The following RPS6KC1 variants were observed in gnomAD, a reference collection of about 807,000 sequenced individuals.
The protein encoded by RPS6KC1 is ribosomal protein S6 kinase C1.
A neutral mutation model predicts 103.8 loss-of-function variants in RPS6KC1; 54 were observed. The observed-to-expected ratio is 0.52, with a 90% CI of 0.42 to 0.65. The LOEUF (loss-of-function observed/expected upper bound fraction) is 0.65, where lower values mean the gene tolerates loss of function less well. RPS6KC1 is among the 30% of genes least tolerant of loss of function. RPS6KC1 has a pLI of 0.00. For synonymous variants in RPS6KC1, 439 were observed against 438.7 expected, an observed-to-expected ratio of 1.00 and a Z score of -0.01; for missense variants, 1,151 against 1,253.8, an observed-to-expected ratio of 0.92 and a Z score of 1.24.
the RPS6KC1 span, among the ~76,000 whole-genome samples, chr1:213,283,728 G>A: frequency 6.6e-6 from 1 of 152,140 alleles, no homozygotes; most frequent in Non-Finnish European, 1.5e-5. Context: ...AGAGATTGCT[G>A]GGAGTGGAAT....
At chr1:213,397,325 A>C in the RPS6KC1 span, among the ~76,000 whole-genome samples, 1 of 152,006 alleles carries the variant, frequency 6.6e-6, no homozygotes, top group Non-Finnish European at 1.5e-5. Context: ...TTTTTAAAAA[A>C]ATTCTTCTCC....
At chr1:213,342,997 T>C in the RPS6KC1 span, among the ~76,000 whole-genome samples, 2 of 152,158 alleles carry the variant, frequency 1.3e-5, no homozygotes, top group African/African-American at 4.8e-5. Flanking sequence ...AAACAAAAGT[T>C]AGTCAGGTGT....
chr1:213,106,455 A>G (rs567719499), intron 4 of RPS6KC1, among the ~76,000 whole-genome samples: 2 of 152,280 alleles, frequency 1.3e-5, no homozygotes, highest in South Asian at 2.1e-4. Context: ...AACATGATCT[A>G]GAGATAGTCC....
the RPS6KC1 span, among the ~76,000 whole-genome samples, chr1:213,844,221 GTGACTTGC>G: frequency 6.6e-6 from 1 of 152,084 alleles, no homozygotes; most frequent in South Asian, 2.1e-4. Context: ...TCATAAGATT[GTGACTTGC>G]TGTTCCTGGT....
the RPS6KC1 span, among the ~76,000 whole-genome samples, chr1:213,554,555 G>A: frequency 2.6e-5 from 4 of 152,054 alleles, no homozygotes; most frequent in African/African-American, 9.7e-5. Flanking sequence ...TTCTAATTCT[G>A]AATATCACAA....
chr1:213,242,621 T>A lies in RPS6KC1; in HGVS notation c.2874T>A (p.Cys958Ter). The A allele has an allele frequency of 6.2e-7, 1 of 1,613,130 alleles. No homozygotes were observed. Among genetic ancestry groups the A allele is most frequent in the Non-Finnish European group, 8.5e-7 (1 of 1,179,466 alleles). ...GGTGGAGTGAGGTTGAAGATTCCTG[T>A]GACAGCGATGCCATAGAGAGAATGT... ...FSRWSEVEDS[C>*]DSDAIERMYC... Residue 958 changes from cysteine (C) to a stop codon, truncating the protein, a stop_gained, in exon 12 of 15, where the codon TGT becomes TGA. Transcript: ENST00000366960. LOFTEE classifies it high-confidence loss of function.
At chr1:213,275,730 T>G (rs781457780), downstream of RPS6KC1, among the ~76,000 whole-genome samples, 1 of 152,204 alleles carries the variant, frequency 6.6e-6, no homozygotes, top group Non-Finnish European at 1.5e-5. Context: ...GTGAGAACAT[T>G]TAAAATCCAC....
chr1:213,391,183 T>G, the RPS6KC1 span, among the ~76,000 whole-genome samples: 24 of 152,186 alleles, frequency 1.6e-4, no homozygotes, highest in Admixed American at 3.9e-4. Context: ...AATGTGATCT[T>G]TGCCTTGAAC....
the RPS6KC1 span, among the ~76,000 whole-genome samples, chr1:213,544,992 G>C: frequency 2.0e-5 from 3 of 152,166 alleles, no homozygotes; most frequent in African/African-American, 7.2e-5. Flanking sequence ...AACAACAGAA[G>C]TGTCTTCTCT....
the RPS6KC1 span, among the ~76,000 whole-genome samples, chr1:213,467,763 G>A: frequency 6.6e-6 from 1 of 152,146 alleles, no homozygotes. Flanking sequence ...GTTGCAGGAA[G>A]GGAGAACATA....
chr1:213,368,214 C>T, the RPS6KC1 span, among the ~76,000 whole-genome samples: 1 of 152,200 alleles, frequency 6.6e-6, no homozygotes, highest in Non-Finnish European at 1.5e-5. Flanking sequence ...TTTCAGCCTC[C>T]TTTGCAGTTA....
At chr1:213,098,246 T>C (rs1336897310) in intron 3 of RPS6KC1, among the ~76,000 whole-genome samples, 5 of 151,656 alleles carry the variant, frequency 3.3e-5, no homozygotes, top group Non-Finnish European at 5.9e-5. Context: ...CTCCTGAATA[T>C]CTGGGACTAC....
the RPS6KC1 span, among the ~76,000 whole-genome samples, chr1:213,637,019 A>T: frequency 1.5e-3 from 226 of 152,368 alleles, no homozygotes; most frequent in Middle Eastern, 6.8e-3. Context: ...AAGAATGCTC[A>T]TCATCACTGG....
chr1:213,319,911 G>A, the RPS6KC1 span, among the ~76,000 whole-genome samples: 2 of 152,148 alleles, frequency 1.3e-5, no homozygotes, highest in Non-Finnish European at 2.9e-5. Flanking sequence ...TTAATTTGGG[G>A]GCAGTGTATA....
intron 6 of RPS6KC1, among the ~76,000 whole-genome samples, chr1:213,143,057 C>A (rs954122521): frequency 6.6e-6 from 1 of 151,880 alleles, no homozygotes; most frequent in East Asian, 1.9e-4. Context: ...CCTTTACTAC[C>A]GTTGTGTAGT....
At chr1:213,318,318 G>T in the RPS6KC1 span, among the ~76,000 whole-genome samples, 14 of 152,258 alleles carry the variant, frequency 9.2e-5, no homozygotes, top group African/African-American at 3.1e-4. Flanking sequence ...TTAGCAAGTA[G>T]ATGGGAGTTC....
the RPS6KC1 span, among the ~76,000 whole-genome samples, chr1:213,342,770 A>G: frequency 1.3e-5 from 2 of 152,192 alleles, no homozygotes; most frequent in African/African-American, 4.8e-5. Flanking sequence ...TTTGGGAAAA[A>G]TCATAAGGCA....
the RPS6KC1 span, among the ~76,000 whole-genome samples, chr1:213,631,918 C>T: frequency 1.3e-5 from 2 of 152,114 alleles, no homozygotes. Flanking sequence ...ACTCTCTCTC[C>T]CCTTTTCCTA....
chr1:213,411,777 T>G, the RPS6KC1 span, among the ~76,000 whole-genome samples: 2 of 152,174 alleles, frequency 1.3e-5, no homozygotes, highest in South Asian at 2.1e-4. Flanking sequence ...TTCTACAGCC[T>G]GGGCTTAGAG....
Sources: gnomAD v4.1 joint callset for allele counts (sites outside exome capture counted in the v4.1 genomes callset) on GRCh38, gnomAD v4.1.1 for gene constraint, MANE v1.5 for transcripts, NCBI Gene and HGNC (gene_info 2026-07-23, HGNC 2026-07-21) for gene names.